Variants in FMN2 observed in about 807,000 individuals in gnomAD.
FMN2 encodes formin 2, also known as formin-2.
Under a neutral mutation model 142.3 loss-of-function variants are expected in FMN2, and 51 were observed. That is an observed-to-expected ratio of 0.36 (90% CI 0.29 to 0.45). The LOEUF (loss-of-function observed/expected upper bound fraction) is 0.45, where lower values mean the gene tolerates loss of function less well. FMN2 is among the 20% of genes least tolerant of loss of function. The pLI is 1.00. For synonymous variants in FMN2, 882 were observed against 869.8 expected, an observed-to-expected ratio of 1.01 and a Z score of -0.25; for missense variants, 1,936 against 2,122.8, an observed-to-expected ratio of 0.91 and a Z score of 1.73.
chr1:240,361,708 C>T (rs1158087853), intron 14 of FMN2, among the ~76,000 whole-genome samples: 17 of 152,132 alleles, frequency 1.1e-4, no homozygotes, highest in Admixed American at 1.1e-3. Context: ...AGTGGGCATG[C>T]CCAGTGGACA....
intron 14 of FMN2, among the ~76,000 whole-genome samples, chr1:240,383,775 G>A (rs1451228257): frequency 6.6e-6 from 1 of 151,832 alleles, no homozygotes; most frequent in Non-Finnish European, 1.5e-5. Flanking sequence ...CATTGTGTAG[G>A]AAAGACACCT....
At chr1:240,307,556 G>A (rs1343230770) in intron 8 of FMN2, among the ~76,000 whole-genome samples, 1 of 152,120 alleles carries the variant, frequency 6.6e-6, no homozygotes, top group Non-Finnish European at 1.5e-5. Context: ...GTTGGTTGTA[G>A]GTATGCAACT....
At chr1:240,436,022 G>A (rs1352138296) in intron 15 of FMN2, among the ~76,000 whole-genome samples, 1 of 152,110 alleles carries the variant, frequency 6.6e-6, no homozygotes, top group Non-Finnish European at 1.5e-5. Context: ...TTCCGAGAAG[G>A]CATGTATGTG....
intron 16 of FMN2, among the ~76,000 whole-genome samples, chr1:240,453,406 A>C (rs1316105821): frequency 6.6e-6 from 1 of 152,156 alleles, no homozygotes; most frequent in Non-Finnish European, 1.5e-5. Flanking sequence ...TCTAATTTAA[A>C]CAATCGACAT....
At chr1:240,158,158 T>C (rs1211240580) in intron 2 of FMN2, among the ~76,000 whole-genome samples, 1 of 151,948 alleles carries the variant, frequency 6.6e-6, no homozygotes, top group Non-Finnish European at 1.5e-5. Flanking sequence ...TGTTAGAAGA[T>C]GTGTTAAATA....
At chr1:240,358,739 T>C (rs1317172791) in intron 14 of FMN2, among the ~76,000 whole-genome samples, 1 of 152,128 alleles carries the variant, frequency 6.6e-6, no homozygotes, top group Non-Finnish European at 1.5e-5. Flanking sequence ...CATGATTCAA[T>C]TACCTCCACC....
chr1:240,440,201 T>C (rs924431750), intron 16 of FMN2, among the ~76,000 whole-genome samples: 1 of 152,128 alleles, frequency 6.6e-6, no homozygotes, highest in African/African-American at 2.4e-5. Context: ...TCCCTGTCGC[T>C]TTCTTCTGCT....
intron 2 of FMN2, chr1:240,171,295 T>C: frequency 1.4e-6 from 1 of 726,794 alleles, no homozygotes; most frequent in Non-Finnish European, 2.6e-6. Context: ...GAAGATTTAA[T>C]TCAAAAGAGA....
At chr1:240,399,233 C>G (rs1673891301) in intron 15 of FMN2, among the ~76,000 whole-genome samples, 1 of 152,182 alleles carries the variant, frequency 6.6e-6, no homozygotes, top group Non-Finnish European at 1.5e-5. Context: ...CGAGTATCAA[C>G]TTCATAAGAG....
At chr1:240,307,802 G>A (rs969193273) in intron 8 of FMN2, among the ~76,000 whole-genome samples, 1 of 152,074 alleles carries the variant, frequency 6.6e-6, no homozygotes, top group Admixed American at 6.6e-5. Context: ...GATAGGAATA[G>A]CATTGAATCA....
At chr1:240,376,451 G>T (rs776644105) in intron 14 of FMN2, among the ~76,000 whole-genome samples, 36 of 150,606 alleles carry the variant, frequency 2.4e-4, no homozygotes, top group Non-Finnish European at 4.4e-4. Flanking sequence ...AATATAATCG[G>T]CCCTTCATAT....
intron 6 of FMN2, among the ~76,000 whole-genome samples, chr1:240,217,435 T>C (rs1484223590): frequency 1.3e-5 from 2 of 152,224 alleles, no homozygotes; most frequent in Non-Finnish European, 2.9e-5. Flanking sequence ...TAAAATAATG[T>C]CTGAAACACT....
intron 2 of FMN2, among the ~76,000 whole-genome samples, chr1:240,174,798 T>TA (rs980109763): frequency 3.9e-5 from 6 of 152,208 alleles, no homozygotes; most frequent in Non-Finnish European, 8.8e-5. Context: ...TTACTGTTTT[T>TA]AAAAAAATTA....
chr1:240,474,010 A>T, intron 17 of FMN2, 118 bp from the exon 18 acceptor site: 1 of 850,124 alleles, frequency 1.2e-6, no homozygotes, highest in Non-Finnish European at 1.8e-6. Context: ...GTAGACCTTT[A>T]ACCTTGTCCC....
chr1:240,315,974 A>G (rs752756750), intron 8 of FMN2, among the ~76,000 whole-genome samples: 3 of 152,198 alleles, frequency 2.0e-5, no homozygotes, highest in Non-Finnish European at 4.4e-5. Flanking sequence ...TGCATAACAT[A>G]TATATAGGGT....
chr1:240,367,692 T>C (rs141815747), intron 14 of FMN2, among the ~76,000 whole-genome samples: 1,908 of 136,592 alleles, frequency 0.014, 39 homozygotes, highest in African/African-American at 0.048. Context: ...GGCGTGAACC[T>C]GGGAGGCAGA....
intron 14 of FMN2, among the ~76,000 whole-genome samples, chr1:240,385,300 A>G (rs947880472): frequency 6.6e-6 from 1 of 152,212 alleles, no homozygotes; most frequent in African/African-American, 2.4e-5. Flanking sequence ...TTAAAGGCTC[A>G]ACGAGGTTTT....
At chr1:240,272,399 G>A (rs1398062360) in intron 7 of FMN2, among the ~76,000 whole-genome samples, 3 of 152,178 alleles carry the variant, frequency 2.0e-5, no homozygotes, top group African/African-American at 4.8e-5. Flanking sequence ...CATAATCCTT[G>A]AGAGGGGTCG....
rs111896385 is a variant in FMN2, at chr1:240,207,685, C to G, written c.2873C>G (p.Pro958Arg). Residue 958 changes from proline to arginine, a missense_variant, in exon 5 of 18, where the codon CCT becomes CGT. Physicochemically the swap from Pro to Arg is moderately radical, Grantham distance 103. This residue lies in a region of FMN2 where 63 missense variants were observed against 86.3 expected (regional missense o/e 0.73). Transcript: ENST00000319653. The stretch of plus-strand genomic sequence containing the variant: ...GGAGCGGCAATACCCCCTCCGCCCC[C>G]TCTTCCCGGGGCAGGCATACCCCTT... ...LPGAAIPPPP[P>R]LPGAGIPLPP... 3.3e-6 allele frequency: 4 copies of G among 1,222,964 alleles called. No homozygotes were observed. The highest frequency in any genetic ancestry group is 4.6e-6 in the Non-Finnish European group (4 of 874,562). 75.8% of individuals were successfully genotyped at this position (1,222,964 alleles called of 1,614,324 possible).
Sources: allele counts gnomAD v4.1 joint callset (sites outside exome capture counted in the v4.1 genomes callset), GRCh38; gene constraint gnomAD v4.1.1; regional missense constraint gnomAD v4.1.1; transcripts MANE v1.5; gene names NCBI Gene and HGNC (gene_info 2026-07-23, HGNC 2026-07-21).